ZFAND1: variants seen among roughly 807,000 people sequenced by gnomAD.
ZFAND1 encodes AN1-type zinc finger protein 1.
In ZFAND1, 40 loss-of-function variants were observed where a neutral mutation model predicts 38.5. That is an observed-to-expected ratio of 1.04 (90% CI 0.81 to 1.35). The LOEUF (loss-of-function observed/expected upper bound fraction) is 1.35, where lower values mean the gene tolerates loss of function less well. Ranked by LOEUF, ZFAND1 falls within the 40% of genes most tolerant of loss-of-function variation. ZFAND1 has a pLI of 0.00. For synonymous variants in ZFAND1, 117 were observed against 103.6 expected, an observed-to-expected ratio of 1.13 and a Z score of -0.78; for missense variants, 346 against 316.3, an observed-to-expected ratio of 1.09 and a Z score of -0.71.
chr8:81,714,718 G>T (rs1377579267), intron 5 of ZFAND1, 86 bp downstream of exon 5: 37 of 1,144,260 alleles, frequency 3.2e-5, no homozygotes, highest in Non-Finnish European at 4.6e-5. Context: ...GGTTATTAAT[G>T]ATGCCTCCCA....
At position 81,710,244 on chromosome 8, in the gene ZFAND1, G is replaced by A. The variant is rs187240587; in HGVS notation, c.480+3674C>T. Among the ~76,000 whole-genome samples, 1,390 of 152,260 alleles carry A rather than the reference G, an allele frequency of 9.1e-3. 18 individuals carry two copies. The highest frequency in any genetic ancestry group is 0.031 in the African/African-American group (1,286 of 41,544). On this transcript the variant is annotated intron_variant, in intron 6 of 7. Transcript: ENST00000220669. ...TCAGTTAAGAACTGCTGCTTTAGGGGATGTAAATGGATGAGAGACACAGGA... is the reference window on the plus strand; with the variant it reads ...TCAGTTAAGAACTGCTGCTTTAGGGAATGTAAATGGATGAGAGACACAGGA...
intron 6 of ZFAND1, among the ~76,000 whole-genome samples, chr8:81,703,580 GC>G (rs1430453746): frequency 6.6e-6 from 1 of 152,106 alleles, no homozygotes; most frequent in Non-Finnish European, 1.5e-5. Flanking sequence ...GTGCCACCAG[GC>G]CCAGCTAATT....
At chr8:81,717,387 T>C in intron 2 of ZFAND1, 99 bp from the exon 3 acceptor site, 2 of 800,000 alleles carry the variant, frequency 2.5e-6, no homozygotes. Flanking sequence ...AGATACATTA[T>C]GCTCATACTA....
intron 6 of ZFAND1, among the ~76,000 whole-genome samples, chr8:81,705,604 AC>A (rs1254365367): frequency 8.5e-4 from 129 of 152,342 alleles, no homozygotes; most frequent in African/African-American, 3.0e-3. Flanking sequence ...CATCCACAAT[AC>A]CGCATAAAGA....
At chr8:81,708,186 G>A (rs1050542003) in intron 6 of ZFAND1, among the ~76,000 whole-genome samples, 2 of 146,086 alleles carry the variant, frequency 1.4e-5, no homozygotes, top group African/African-American at 5.1e-5. Flanking sequence ...GGAGGCAGAT[G>A]TTGCAGTGAG....
chr8:81,704,856 T>A (rs1325035235), intron 6 of ZFAND1, among the ~76,000 whole-genome samples: 1 of 152,082 alleles, frequency 6.6e-6, no homozygotes, highest in African/African-American at 2.4e-5. Context: ...AAATTCAAAC[T>A]GTGAGCCACC....
intron 3 of ZFAND1, 132 bp downstream of exon 3, chr8:81,717,117 C>T (rs1178201167): frequency 3.2e-6 from 2 of 618,364 alleles, no homozygotes; most frequent in African/African-American, 1.9e-5. Flanking sequence ...GAAGCAAAAG[C>T]CTCTTTACCT....
intron 6 of ZFAND1, among the ~76,000 whole-genome samples, chr8:81,710,344 T>A (rs532442310): frequency 6.6e-6 from 1 of 152,218 alleles, no homozygotes; most frequent in South Asian, 2.1e-4. Context: ...TTTGCAATTT[T>A]AAAAAAATCA....
intron 5 of ZFAND1, 79 bp downstream of exon 5, chr8:81,714,725 C>T (rs1808246985): frequency 8.1e-7 from 1 of 1,235,218 alleles, no homozygotes; most frequent in South Asian, 1.2e-5. Flanking sequence ...AATGATGCCT[C>T]CCATAATTGG....
At chr8:81,705,394 C>A (rs1807947695) in intron 6 of ZFAND1, among the ~76,000 whole-genome samples, 1 of 151,750 alleles carries the variant, frequency 6.6e-6, no homozygotes, top group Non-Finnish European at 1.5e-5. Flanking sequence ...AGTTAGGATG[C>A]ACAATTAGAT....
intron 5 of ZFAND1, 60 bp from the exon 6 acceptor site, chr8:81,714,099 T>A: frequency 7.0e-7 from 1 of 1,431,470 alleles, no homozygotes; most frequent in Non-Finnish European, 9.4e-7. Flanking sequence ...AATTTTATTA[T>A]AATACACTTA....
chr8:81,716,825 T>C (rs1808329236), intron 3 of ZFAND1, among the ~76,000 whole-genome samples: 1 of 152,118 alleles, frequency 6.6e-6, no homozygotes, highest in Non-Finnish European at 1.5e-5. Context: ...CACGTGCCTA[T>C]AATCCCAGCT....
At chr8:81,721,205 G>T (rs1232680450) in intron 1 of ZFAND1, 22 bp downstream of exon 1, 2 of 1,546,746 alleles carry the variant, frequency 1.3e-6, no homozygotes, top group African/African-American at 2.7e-5. Context: ...CCGGGGATGG[G>T]GGCTGGAAGC....
Position 81,701,854 on chromosome 8 carries a change from G to C in ZFAND1, c.*841C>G, listed in dbSNP as rs1359838276. On this transcript the variant is annotated 3_prime_UTR_variant, in exon 8 of 8. Coordinates refer to ENST00000220669, the MANE Select transcript of ZFAND1 (RefSeq NM_024699.3). ...TGTCTATATAGTAGTAGTTTTGGGG[G>C]TATAGATAGTAAACACTAGTCAAGA... The C allele has an allele frequency of 6.6e-6, 1 of 152,168 alleles. No homozygotes were observed. Among genetic ancestry groups the C allele is most frequent in the Non-Finnish European group, 1.5e-5 (1 of 68,022 alleles). The allele number at this position is 152,168 out of a possible 1,614,324, so 9.4% of individuals were successfully genotyped here.
intron 6 of ZFAND1, among the ~76,000 whole-genome samples, chr8:81,711,189 G>T (rs1448491408): frequency 6.6e-6 from 1 of 152,110 alleles, no homozygotes; most frequent in Non-Finnish European, 1.5e-5. Flanking sequence ...AGAGGAGGGT[G>T]GATCACGAGG....
Position 81,718,717 on chromosome 8 carries a change from CAT to C in ZFAND1, c.56-495_56-494del, listed in dbSNP as rs143583533. 2.5e-3 allele frequency among the ~76,000 whole-genome samples: 368 copies of C among 145,778 alleles called. 4 individuals carry two copies. The highest frequency in any genetic ancestry group is 7.2e-3 in the African/African-American group (289 of 40,186). Reference sequence around the variant, plus strand: ...TACTAATATATATGTGTGTGAACAACATATATATATATATATCGCCAAAGCTT... The same window carrying C: ...TACTAATATATATGTGTGTGAACAACATATATATATATATCGCCAAAGCTT... On this transcript the variant is annotated intron_variant, in intron 1 of 7. Transcript: ENST00000220669.
chr8:81,712,179 A>G lies in ZFAND1; in HGVS notation c.480+1739T>C, dbSNP rs545938909. ...TAGATGTAATAAAAAAATTTACAGT[A>G]AAGTTTAATATCCATTCATAGTGTA... On this transcript the variant is annotated intron_variant, in intron 6 of 7. Transcript: ENST00000220669. 7.9e-5 allele frequency among the ~76,000 whole-genome samples: 12 copies of G among 152,270 alleles called. No individual in the cohort carries two copies. In the South Asian group the frequency reaches 1.2e-3, roughly 16 times the overall value.
intron 6 of ZFAND1, among the ~76,000 whole-genome samples, chr8:81,704,055 C>T (rs1424238811): frequency 6.6e-6 from 1 of 151,786 alleles, no homozygotes. Flanking sequence ...TGTGAAAGAC[C>T]TCACTATGTA....
chr8:81,706,370 C>CAAAAAAAAAAAAAAAAAAAAAAAAAA lies in ZFAND1; in HGVS notation c.481-3247_481-3246insTTTTTTTTTTTTTTTTTTTTTTTTTT, dbSNP rs35031788. Among the ~76,000 whole-genome samples, 10 of 72,678 alleles carry CAAAAAAAAAAAAAAAAAAAAAAAAAA rather than the reference C, an allele frequency of 1.4e-4. 1 individual carries two copies. The highest frequency in any genetic ancestry group is 1.4e-3 in the South Asian group (2 of 1,434). The allele number at this position is 72,678 out of a possible 152,430, so 47.7% of individuals were successfully genotyped here. ...CAAGTAAGCCCTAAGGAAGGAGAAA[C>CAAAAAAAAAAAAAAAAAAAAAAAAAA]AAAAAAAAAAAAAAAAAAAAAAAAG... On this transcript the variant is annotated intron_variant, in intron 6 of 7. Transcript: ENST00000220669.
Sources: allele counts gnomAD v4.1 joint callset (sites outside exome capture counted in the v4.1 genomes callset), GRCh38; gene constraint gnomAD v4.1.1; transcripts MANE v1.5; gene names NCBI Gene and HGNC (gene_info 2026-07-23, HGNC 2026-07-21).